Variants in EXPH5 observed in about 807,000 individuals in gnomAD.
EXPH5 encodes exophilin-5.
In EXPH5, 42 loss-of-function variants were observed where a neutral mutation model predicts 41.1. That is an observed-to-expected ratio of 1.02 (90% confidence interval 0.80 to 1.32). The LOEUF (loss-of-function observed/expected upper bound fraction) is 1.32, where lower values mean the gene tolerates loss of function less well. EXPH5 is among the 40% of genes most tolerant of loss of function. The probability of loss-of-function intolerance (pLI) is 0.00; values close to 1 mark genes in which losing one functional copy is unlikely to be tolerated. For missense variants in EXPH5, 2,298 were observed against 2,314.5 expected (o/e 0.99, Z 0.15); for synonymous variants, 798 against 833.5 (o/e 0.96, Z 0.73).
intron 1 of EXPH5, among the ~76,000 whole-genome samples, chr11:108,559,860 A>G (rs2094004437): frequency 6.6e-6 from 1 of 152,198 alleles, no homozygotes; most frequent in Non-Finnish European, 1.5e-5. Flanking sequence ...TTCACTTCTC[A>G]TACTGTAATT....
chr11:108,579,406 T>G (rs1044807987), intron 1 of EXPH5, among the ~76,000 whole-genome samples: 3 of 152,174 alleles, frequency 2.0e-5, no homozygotes, highest in Admixed American at 2.0e-4. Flanking sequence ...GTTGTTGAAT[T>G]CAGTTTGCTA....
the EXPH5 span, among the ~76,000 whole-genome samples, chr11:108,599,432 T>C: frequency 6.6e-6 from 1 of 152,234 alleles, no homozygotes; most frequent in Non-Finnish European, 1.5e-5. Flanking sequence ...TGCATACTCA[T>C]AACACAGTTG....
At position 108,511,947 on chromosome 11, in the gene EXPH5, T is replaced by C. The variant is rs1233705409; in HGVS notation, c.3560A>G (p.Glu1187Gly). Reference sequence around the variant, plus strand: ...CATTTTACCCTCTTTCTCAGTGTATTCTTGGAAGTTTTCCTTTTGGTGTTG... The same window carrying C: ...CATTTTACCCTCTTTCTCAGTGTATCCTTGGAAGTTTTCCTTTTGGTGTTG... Reference protein sequence around the residue: ...KRQHQKENFQEYTEKEGKMAA... With the variant: ...KRQHQKENFQGYTEKEGKMAA... Residue 1187 changes from glutamate (E) to glycine (G), a missense_variant, in exon 6 of 6, where the codon GAA becomes GGA. Transcript: ENST00000265843. 4 of 1,600,622 alleles carry C rather than the reference T, an allele frequency of 2.5e-6. No homozygotes were observed. In the African/African-American group the frequency reaches 5.4e-5, roughly 22 times the overall value.
At chr11:108,546,739 A>T (rs1456991703) in intron 1 of EXPH5, among the ~76,000 whole-genome samples, 1 of 152,136 alleles carries the variant, frequency 6.6e-6, no homozygotes, top group African/African-American at 2.4e-5. Context: ...CTAATCCAGG[A>T]CATTGAGATT....
Position 108,514,734 on chromosome 11 carries a change from C to A in EXPH5, c.773G>T (p.Arg258Met). The A allele has an allele frequency of 6.2e-7, 1 of 1,610,200 alleles. No individual in the cohort carries two copies. The change falls in exon 6 of 6, where the codon AGG becomes ATG. Residue 258 changes from arginine to methionine, a missense_variant. Physicochemically the swap from Arg to Met is moderately conservative, Grantham distance 91. Transcript: ENST00000265843. ...SGNRHGNITE[R>M]HKKHYNETSN... ...AGTTTCATTATAGTGTTTTTTGTGC[C>A]TTTCTGTGATATTACCATGTCTGTT...
At chr11:108,531,197 C>T (rs2093835594) in intron 3 of EXPH5, among the ~76,000 whole-genome samples, 4 of 152,180 alleles carry the variant, frequency 2.6e-5, no homozygotes, top group Admixed American at 2.0e-4. Context: ...TTCTGGACTC[C>T]TCTCCATCCT....
chr11:108,575,738 C>T (rs558609001), intron 1 of EXPH5, among the ~76,000 whole-genome samples: 1 of 152,270 alleles, frequency 6.6e-6, no homozygotes, highest in South Asian at 2.1e-4. Context: ...CTTTGGGAGG[C>T]CGAGGCAGGC....
chr11:108,555,320 T>A (rs17620352), intron 1 of EXPH5, among the ~76,000 whole-genome samples: 12,150 of 152,326 alleles, frequency 0.08, 600 homozygotes, highest in Middle Eastern at 0.11. Context: ...ATGAATAGCT[T>A]ATACTTTTAT....
chr11:108,586,972 G>A (rs2094115169), intron 1 of EXPH5, among the ~76,000 whole-genome samples: 1 of 152,086 alleles, frequency 6.6e-6, no homozygotes, highest in Non-Finnish European at 1.5e-5. Flanking sequence ...ACTCACTACA[G>A]AAAAACCGAC....
At position 108,514,811 on chromosome 11, in the gene EXPH5, T is replaced by C. The variant is rs780148651; in HGVS notation, c.696A>G (p.Thr232=). 2.3e-5 allele frequency: 36 copies of C among 1,582,570 alleles called. No individual in the cohort carries two copies. The Middle Eastern group carries it at 5.1e-4, about 22-fold the overall frequency. Residue 232 remains threonine (T), a synonymous_variant, in exon 6 of 6, where the codon ACA becomes ACG. Transcript: ENST00000265843. ...EQSASSVNTR[T]PLNYGSRTQF... ...GTGTTCTTGATCCATAGTTGAGGGG[T>C]GTTCTGGTATTCACTGAGCTTGCAG...
Position 108,514,113 on chromosome 11 carries a change from G to T in EXPH5, c.1394C>A (p.Thr465Asn). 3.1e-6 allele frequency: 5 copies of T among 1,613,738 alleles called. No homozygotes were observed. The highest frequency in any genetic ancestry group is 4.2e-6 in the Non-Finnish European group (5 of 1,179,854). The change falls in exon 6 of 6, where the codon ACC becomes AAC. Residue 465 changes from threonine to asparagine, a missense_variant. Physicochemically the swap from Thr to Asn is moderately conservative, Grantham distance 65. Transcript: ENST00000265843. ...NTFTRSFFSN[T>N]FGRSGEQRRF... is the part of the protein sequence containing the mutation. ...CCTCTGTTCTCCGCTTCGTCCAAAG[G>T]TATTGCTGAAGAAAGATCTGGTAAA...
At chr11:108,574,293 A>G (rs2094072861) in intron 1 of EXPH5, among the ~76,000 whole-genome samples, 1 of 151,854 alleles carries the variant, frequency 6.6e-6, no homozygotes, top group African/African-American at 2.4e-5. Context: ...GCGGGAGATC[A>G]CTTGAGTCTA....
chr11:108,525,499 A>T lies in EXPH5; in HGVS notation c.492+2637T>A, dbSNP rs117593807. On this transcript the variant is annotated intron_variant, in intron 4 of 5. Coordinates refer to ENST00000265843, the MANE Select transcript of EXPH5 (RefSeq NM_015065.3). ...GAAACCCTGGGCTAGATGATCTCTAAGTGTTTCTCTAGCTCTAAAATTTCT... is the reference window on the plus strand; with the variant it reads ...GAAACCCTGGGCTAGATGATCTCTATGTGTTTCTCTAGCTCTAAAATTTCT... Among the ~76,000 whole-genome samples, 199 of 152,350 alleles carry T rather than the reference A, an allele frequency of 1.3e-3. 1 individual carries two copies. The East Asian group carries it at 0.033, about 25-fold the overall frequency.
intron 1 of EXPH5, among the ~76,000 whole-genome samples, chr11:108,560,318 A>C (rs1248797168): frequency 6.6e-6 from 1 of 152,200 alleles, no homozygotes; most frequent in Non-Finnish European, 1.5e-5. Context: ...ACTTATTTTC[A>C]AAGAGTTAAC....
chr11:108,534,802 C>A (rs1015422928), intron 3 of EXPH5, among the ~76,000 whole-genome samples: 3 of 152,184 alleles, frequency 2.0e-5, no homozygotes, highest in Non-Finnish European at 4.4e-5. Context: ...AAAGGGCACT[C>A]CTTTCTCAAG....
At chr11:108,521,357 A>G (rs1181935440) in intron 4 of EXPH5, among the ~76,000 whole-genome samples, 3 of 152,154 alleles carry the variant, frequency 2.0e-5, no homozygotes, top group Non-Finnish European at 2.9e-5. Context: ...CTCAAGGTCT[A>G]GGTCAGTTAT....
intron 1 of EXPH5, among the ~76,000 whole-genome samples, chr11:108,557,418 A>G (rs2093994724): frequency 6.6e-6 from 1 of 152,202 alleles, no homozygotes; most frequent in Admixed American, 6.5e-5. Context: ...ATCTCGGCTG[A>G]TTGCAACCTC....
chr11:108,594,742 T>A (rs1475372718), upstream of EXPH5, among the ~76,000 whole-genome samples: 2 of 152,244 alleles, frequency 1.3e-5, no homozygotes, highest in Non-Finnish European at 2.9e-5. Flanking sequence ...ATATAAAATG[T>A]ACTTCTACAT....
rs1429768583 is a variant in EXPH5 at position 108,512,985 on chromosome 11, G to C, written c.2522C>G (p.Ser841Ter). The change falls in exon 6 of 6, where the codon TCA becomes TGA. Residue 841 changes from serine (S) to a stop codon, truncating the protein, a stop_gained. Transcript: ENST00000265843. LOFTEE classifies it low-confidence loss of function (END_TRUNC). ...CCAGTGGTTATTTGTAATAATTCTT[G>C]AAATATCTTCATTATTTACAGTTAA... is the stretch of plus-strand genomic sequence containing the variant. Reference protein sequence around the residue: ...QELTVNNEDISRIITNNHWSS... With the variant: ...QELTVNNEDI The C allele has an allele frequency of 6.2e-7, 1 of 1,613,442 alleles. No homozygotes were observed. The highest frequency in any genetic ancestry group is 8.5e-7 in the Non-Finnish European group (1 of 1,179,658).
Sources: gnomAD v4.1 joint callset for allele counts (sites outside exome capture counted in the v4.1 genomes callset) on GRCh38, gnomAD v4.1.1 for gene constraint, MANE v1.5 for transcripts, NCBI Gene and HGNC (gene_info 2026-07-23, HGNC 2026-07-21) for gene names.